Variants in KCNQ3 observed in about 807,000 individuals in gnomAD.
KCNQ3 encodes the protein potassium voltage-gated channel subfamily Q member 3.
In KCNQ3, 30 loss-of-function variants were observed where a neutral mutation model predicts 92.5. The ratio of observed to expected loss-of-function variants is 0.32; its 90% confidence interval spans 0.24 to 0.44. The LOEUF (loss-of-function observed/expected upper bound fraction) is 0.44. KCNQ3 is among the 20% of genes least tolerant of loss of function. The probability of loss-of-function intolerance (pLI) is 1.00; values close to 1 mark genes in which losing one functional copy is unlikely to be tolerated. For missense variants in KCNQ3, 913 were observed against 1,140.3 expected (o/e 0.80, Z 2.87); for synonymous variants, 450 against 468.8 (o/e 0.96, Z 0.52).
chr8:132,140,227 G>T (rs572708660), intron 10 of KCNQ3, 49 bp from the exon 11 acceptor site: 5 of 1,410,336 alleles, frequency 3.5e-6, no homozygotes, highest in East Asian at 2.3e-5. Flanking sequence ...CCTGGAAAAG[G>T]CTTGGGGACC....
In KCNQ3 at chr8:132,272,514, G is replaced by A. The variant is rs529887350; in HGVS notation, c.387-86333C>T. 4.6e-5 allele frequency among the ~76,000 whole-genome samples: 7 copies of A among 152,290 alleles called. No homozygotes were observed. In the South Asian group the frequency reaches 8.3e-4, roughly 18 times the overall value. On this transcript the variant is annotated intron_variant, in intron 1 of 14. Coordinates refer to ENST00000388996, the MANE Select transcript of KCNQ3 (RefSeq NM_004519.4). ...TCATGCTGTTGATAAAGACATACCC[G>A]AGAGTGGGAAGAAAAAGAGGTTTAA...
At chr8:132,161,326 A>T (rs557502937) in intron 9 of KCNQ3, among the ~76,000 whole-genome samples, 8 of 152,290 alleles carry the variant, frequency 5.3e-5, no homozygotes, top group Non-Finnish European at 1.2e-4. Flanking sequence ...ATCTGACTCT[A>T]TTTAGAAATA....
At position 132,293,538 on chromosome 8, in the gene KCNQ3, T is replaced by A. The variant is rs545772882; in HGVS notation, c.387-107357A>T. Among the ~76,000 whole-genome samples, 7 of 152,320 alleles carry A rather than the reference T, an allele frequency of 4.6e-5. 1 individual carries two copies. The South Asian group carries it at 1.4e-3, about 32-fold the overall frequency. ...AAAACACTTTAAGAGAGTTTTTCCC[T>A]ACACGACTAGAAATGATGATTGAAA... On this transcript the variant is annotated intron_variant, in intron 1 of 14. Transcript: ENST00000388996.
At chr8:132,322,456 C>T (rs1225306829) in intron 1 of KCNQ3, among the ~76,000 whole-genome samples, 2 of 152,152 alleles carry the variant, frequency 1.3e-5, no homozygotes, top group Non-Finnish European at 2.9e-5. Context: ...AGAAGCCCAT[C>T]TCCTCTCCAC....
chr8:132,332,801 T>C (rs755412178), intron 1 of KCNQ3, among the ~76,000 whole-genome samples: 34 of 152,236 alleles, frequency 2.2e-4, no homozygotes, highest in Non-Finnish European at 4.4e-4. Flanking sequence ...CCAAGAATCC[T>C]TTCTGGAGCC....
At chr8:132,479,631 A>C (rs1257239054) in intron 1 of KCNQ3, among the ~76,000 whole-genome samples, 3 of 33,404 alleles carry the variant, frequency 9.0e-5, no homozygotes, top group Admixed American at 6.2e-4. Flanking sequence ...AGCAAGCGAC[A>C]CACACACACA....
chr8:132,387,287 CAGTA>C, intron 1 of KCNQ3, among the ~76,000 whole-genome samples: 1 of 152,298 alleles, frequency 6.6e-6, no homozygotes, highest in East Asian at 1.9e-4. Context: ...GTCATTACAT[CAGTA>C]AGTCAAAGGA....
At chr8:132,231,603 G>A (rs1213542263) in intron 1 of KCNQ3, among the ~76,000 whole-genome samples, 2 of 152,174 alleles carry the variant, frequency 1.3e-5, no homozygotes, top group African/African-American at 4.8e-5. Flanking sequence ...TGAGAACATA[G>A]CAAGAAGGTG....
chr8:132,222,364 T>C (rs1814266412), intron 1 of KCNQ3, among the ~76,000 whole-genome samples: 2 of 152,328 alleles, frequency 1.3e-5, no homozygotes, highest in South Asian at 4.1e-4. Flanking sequence ...AGAAAACATA[T>C]TCACAGCAGG....
intron 9 of KCNQ3, among the ~76,000 whole-genome samples, chr8:132,149,707 C>T (rs914595197): frequency 7.2e-5 from 11 of 152,172 alleles, no homozygotes; most frequent in Admixed American, 6.5e-4. Flanking sequence ...ACAGTTGGGC[C>T]AGGCAGCTGC....
At chr8:132,355,321 T>C (rs1586952168) in intron 1 of KCNQ3, among the ~76,000 whole-genome samples, 1 of 151,942 alleles carries the variant, frequency 6.6e-6, no homozygotes. Context: ...CCTCTGTGCC[T>C]CCCCTCCACT....
At chr8:132,381,732 G>A (rs1819756117) in intron 1 of KCNQ3, among the ~76,000 whole-genome samples, 1 of 152,186 alleles carries the variant, frequency 6.6e-6, no homozygotes, top group Non-Finnish European at 1.5e-5. Flanking sequence ...TGCAGAAGGA[G>A]CAAAACACCC....
At chr8:132,454,276 G>T (rs1821890526) in intron 1 of KCNQ3, among the ~76,000 whole-genome samples, 2 of 152,254 alleles carry the variant, frequency 1.3e-5, no homozygotes, top group South Asian at 4.1e-4. Context: ...CCTAACAGCT[G>T]TGTGTCCCTG....
At chr8:132,179,781 C>A (rs1826691296) in intron 4 of KCNQ3, among the ~76,000 whole-genome samples, 1 of 152,116 alleles carries the variant, frequency 6.6e-6, no homozygotes, top group Admixed American at 6.5e-5. Context: ...CCTTCTTCTC[C>A]CACTGCATGT....
At chr8:132,398,974 A>G (rs7004654) in intron 1 of KCNQ3, among the ~76,000 whole-genome samples, 4,967 of 152,284 alleles carry the variant, frequency 0.033, 300 homozygotes, top group African/African-American at 0.11. Context: ...TGAAGGCACC[A>G]TGCTTGCATG....
intron 1 of KCNQ3, among the ~76,000 whole-genome samples, chr8:132,449,489 G>A (rs1191729024): frequency 5.3e-5 from 8 of 151,952 alleles, no homozygotes; most frequent in Non-Finnish European, 1.2e-4. Flanking sequence ...TGCCTCTCAT[G>A]GTTCTGATTT....
intron 1 of KCNQ3, among the ~76,000 whole-genome samples, chr8:132,351,693 C>A (rs999864440): frequency 2.0e-5 from 3 of 152,102 alleles, no homozygotes; most frequent in African/African-American, 7.2e-5. Flanking sequence ...GGCACTGTGA[C>A]CACTTGGAAG....
intron 1 of KCNQ3, among the ~76,000 whole-genome samples, chr8:132,279,843 T>C (rs558863668): frequency 7.2e-6 from 1 of 139,462 alleles, no homozygotes; most frequent in Non-Finnish European, 1.6e-5. Context: ...TGCGTGTATG[T>C]GTATATATGC....
intron 1 of KCNQ3, among the ~76,000 whole-genome samples, chr8:132,448,330 T>A (rs1262981694): frequency 6.6e-6 from 1 of 151,328 alleles, no homozygotes; most frequent in Non-Finnish European, 1.5e-5. Flanking sequence ...TCCTTTGGGG[T>A]CCATGAGCAA....
Sources: allele counts gnomAD v4.1 joint callset (sites outside exome capture counted in the v4.1 genomes callset), GRCh38; gene constraint gnomAD v4.1.1; transcripts MANE v1.5; gene names NCBI Gene and HGNC (gene_info 2026-07-23, HGNC 2026-07-21).